Variants in TNR observed in about 807,000 individuals in gnomAD.
TNR encodes the protein tenascin-R.
TNR carries 45 observed loss-of-function variants against 150.4 expected under a neutral mutation model. The observed-to-expected ratio is 0.30, with a 90% CI of 0.24 to 0.38. The LOEUF (loss-of-function observed/expected upper bound fraction) is 0.38. Among genes scored for constraint, TNR ranks in the 10% least tolerant of loss-of-function variants. The pLI is 1.00. For missense variants in TNR, 1,544 were observed against 1,759.1 expected, an observed-to-expected ratio of 0.88 and a Z score of 2.19; for synonymous variants, 687 against 678.4, an observed-to-expected ratio of 1.01 and a Z score of -0.20.
In TNR at chr1:175,680,102, T is replaced by G. The variant is rs547757954; in HGVS notation, c.-165+63124A>C. ...CAACCACCCAGCTGCTCCATCTGTA[T>G]GCAGGGCACTCCCCAGCCCCAGAGT... On this transcript the variant is annotated intron_variant, in intron 1 of 22. Transcript: ENST00000367674. Among the ~76,000 whole-genome samples, 15 of 152,314 alleles carry G rather than the reference T, an allele frequency of 9.8e-5. 1 individual carries two copies. The highest frequency in any genetic ancestry group is 6.2e-4 in the South Asian group (3 of 4,816).
intron 1 of TNR, among the ~76,000 whole-genome samples, chr1:175,701,298 C>T (rs1329765213): frequency 1.3e-5 from 2 of 152,190 alleles, no homozygotes; most frequent in Non-Finnish European, 2.9e-5. Flanking sequence ...ATGGATCTCA[C>T]AGATCCACTT....
At chr1:175,457,450 C>A (rs145511380) in intron 2 of TNR, among the ~76,000 whole-genome samples, 27 of 152,294 alleles carry the variant, frequency 1.8e-4, no homozygotes, top group African/African-American at 6.5e-4. Flanking sequence ...CTGAGTTGGC[C>A]GGCCAAGCCA....
chr1:175,413,491 C>T lies in TNR; in HGVS notation c.-63-6714G>A, dbSNP rs180997356. 5.8e-4 allele frequency among the ~76,000 whole-genome samples: 89 copies of T among 152,294 alleles called. 1 individual carries two copies. In the East Asian group the frequency reaches 0.011, roughly 18 times the overall value. On this transcript the variant is annotated intron_variant, in intron 2 of 22. Coordinates refer to ENST00000367674, the MANE Select transcript of TNR (RefSeq NM_003285.3). ...CCCATTCTGTGTCTTTGGTATGAGGCAGTGGGTAATGTTTAAACCACATGC... is the reference window on the plus strand; with the variant it reads ...CCCATTCTGTGTCTTTGGTATGAGGTAGTGGGTAATGTTTAAACCACATGC...
At chr1:175,440,845 T>C (rs1190443816) in intron 2 of TNR, among the ~76,000 whole-genome samples, 1 of 152,150 alleles carries the variant, frequency 6.6e-6, no homozygotes, top group Non-Finnish European at 1.5e-5. Flanking sequence ...AAATATATGC[T>C]ACAGAATAGA....
intron 1 of TNR, among the ~76,000 whole-genome samples, chr1:175,596,003 T>G (rs533231604): frequency 3.9e-5 from 6 of 152,284 alleles, no homozygotes; most frequent in Admixed American, 2.0e-4. Context: ...ATCCTATGGT[T>G]CTTCTGTTAT....
chr1:175,520,261 A>G (rs1052621295), intron 2 of TNR, among the ~76,000 whole-genome samples: 1 of 152,168 alleles, frequency 6.6e-6, no homozygotes, highest in Non-Finnish European at 1.5e-5. Flanking sequence ...TATCAGATGA[A>G]CAGAGTTCTG....
At chr1:175,576,904 A>G (rs901166107) in intron 1 of TNR, among the ~76,000 whole-genome samples, 6 of 152,184 alleles carry the variant, frequency 3.9e-5, no homozygotes, top group African/African-American at 1.4e-4. Context: ...TACTCTGTGT[A>G]TGATAATTGA....
At chr1:175,609,447 G>A (rs1663524666) in intron 1 of TNR, among the ~76,000 whole-genome samples, 2 of 152,196 alleles carry the variant, frequency 1.3e-5, no homozygotes, top group Non-Finnish European at 2.9e-5. Flanking sequence ...AGTGGCTGCT[G>A]AGATCAAAGT....
intron 8 of TNR, among the ~76,000 whole-genome samples, chr1:175,383,007 C>G (rs1005995181): frequency 2.0e-5 from 3 of 152,126 alleles, no homozygotes; most frequent in East Asian, 3.9e-4. Flanking sequence ...GCATGCCTCT[C>G]CTAGCTGCTA....
chr1:175,356,485 A>T, intron 15 of TNR, 23 bp from the exon 16 acceptor site: 1 of 1,613,384 alleles, frequency 6.2e-7, no homozygotes, highest in Non-Finnish European at 8.5e-7. Flanking sequence ...GAATATGAAT[A>T]AGGGTTGAAT....
At chr1:175,395,020 C>T (rs1653359625) in intron 5 of TNR, among the ~76,000 whole-genome samples, 1 of 151,832 alleles carries the variant, frequency 6.6e-6, no homozygotes, top group Non-Finnish European at 1.5e-5. Flanking sequence ...ACAATCATTG[C>T]AGATATTTAA....
chr1:175,379,577 A>G lies in TNR; in HGVS notation c.1938T>C (p.Gly646=). 1 of 1,613,658 alleles carries G rather than the reference A, an allele frequency of 6.2e-7. No homozygotes were observed. The highest frequency in any genetic ancestry group is 1.1e-5 in the South Asian group (1 of 91,044). Reference sequence around the variant, plus strand: ...CTGTCAGGGTGGCCCTGGTGGTTGGACCAATGCCCCTGGGGACCAGTACCT... The same window carrying G: ...CTGTCAGGGTGGCCCTGGTGGTTGGGCCAATGCCCCTGGGGACCAGTACCT... The part of the protein sequence containing the change: ...YHEVLVPRGI[G]PTTRATLTDL... The change falls in exon 9 of 23, where the codon GGT becomes GGC. Residue 646 remains glycine, a synonymous_variant. Coordinates refer to ENST00000367674, the MANE Select transcript of TNR (RefSeq NM_003285.3).
chr1:175,459,936 T>C (rs1226063555), intron 2 of TNR, among the ~76,000 whole-genome samples: 3 of 152,100 alleles, frequency 2.0e-5, no homozygotes. Context: ...ATTTGATAAA[T>C]AATGTATATA....
At chr1:175,740,250 A>T (rs1667888679) in intron 1 of TNR, among the ~76,000 whole-genome samples, 1 of 152,250 alleles carries the variant, frequency 6.6e-6, no homozygotes, top group Non-Finnish European at 1.5e-5. Context: ...AGCTATGGTG[A>T]TACCACATAT....
At chr1:175,687,856 A>T (rs1003590740) in intron 1 of TNR, among the ~76,000 whole-genome samples, 3 of 146,062 alleles carry the variant, frequency 2.1e-5, no homozygotes, top group African/African-American at 7.6e-5. Context: ...AGCGCCCCCC[A>T]CCACACCCTC....
At chr1:175,413,825 A>G (rs1654317352) in intron 2 of TNR, among the ~76,000 whole-genome samples, 1 of 152,172 alleles carries the variant, frequency 6.6e-6, no homozygotes, top group African/African-American at 2.4e-5. Flanking sequence ...GAATGGGATT[A>G]GTGCCCTTAT....
intron 1 of TNR, among the ~76,000 whole-genome samples, chr1:175,666,897 C>G (rs147336777): frequency 2.0e-5 from 3 of 152,158 alleles, no homozygotes; most frequent in African/African-American, 7.2e-5. Flanking sequence ...CAGGCACACA[C>G]CACCATGTAT....
chr1:175,355,488 C>T lies in TNR; in HGVS notation c.3249+15G>A. 4 of 1,613,156 alleles carry T rather than the reference C, an allele frequency of 2.5e-6. No individual in the cohort carries two copies. The highest frequency in any genetic ancestry group is 3.4e-6 in the Non-Finnish European group (4 of 1,179,454). ...TTGGAAGAAATGGTCTTTTCCCTTT[C>T]CAGCAAAATCTCACCTTGCGGCTTC... On this transcript the variant is annotated intron_variant, in intron 17 of 22. Transcript: ENST00000367674.
chr1:175,379,067 T>C (rs1652540992), intron 9 of TNR, among the ~76,000 whole-genome samples: 1 of 151,594 alleles, frequency 6.6e-6, no homozygotes, highest in Admixed American at 6.6e-5. Flanking sequence ...TAATCCTAGC[T>C]ACTTGGGAGG....
Sources: allele counts gnomAD v4.1 joint callset (sites outside exome capture counted in the v4.1 genomes callset), GRCh38; gene constraint gnomAD v4.1.1; transcripts MANE v1.5; gene names NCBI Gene and HGNC (gene_info 2026-07-23, HGNC 2026-07-21).